BMAL2: variants seen among roughly 807,000 people sequenced by gnomAD.
BMAL2 encodes basic helix-loop-helix ARNT like 2.
the BMAL2 span, among the ~76,000 whole-genome samples, chr12:27,382,596 G>A: frequency 6.6e-6 from 1 of 152,174 alleles, no homozygotes; most frequent in Admixed American, 6.5e-5. Context: ...CATCCCCGCA[G>A]TCTGACCAGA....
the BMAL2 span, chr12:27,401,216 C>T: frequency 7.5e-6 from 11 of 1,468,266 alleles, no homozygotes; most frequent in East Asian, 2.0e-4. Context: ...GGAGGGAGTA[C>T]ACTCACCACT....
chr12:27,385,562 T>C, the BMAL2 span: 6 of 1,558,574 alleles, frequency 3.8e-6, no homozygotes, highest in Non-Finnish European at 5.3e-6. Context: ...ATCCTTAAGG[T>C]AACTAAAGAT....
the BMAL2 span, chr12:27,390,097 T>C: frequency 6.2e-7 from 1 of 1,613,634 alleles, no homozygotes; most frequent in Non-Finnish European, 8.5e-7. Flanking sequence ...GCACGAAAGC[T>C]GGTTTGCAAG....
the BMAL2 span, among the ~76,000 whole-genome samples, chr12:27,419,479 A>G: frequency 3.9e-5 from 6 of 152,214 alleles, no homozygotes; most frequent in Non-Finnish European, 8.8e-5. Context: ...ACCAACTCCC[A>G]TGATAATGAC....
the BMAL2 span, among the ~76,000 whole-genome samples, chr12:27,358,019 T>A: frequency 6.6e-6 from 1 of 151,692 alleles, no homozygotes; most frequent in East Asian, 1.9e-4. Flanking sequence ...AATAAATTTA[T>A]TTTTTATATT....
At chr12:27,414,668 C>A in the BMAL2 span, among the ~76,000 whole-genome samples, 6 of 152,002 alleles carry the variant, frequency 3.9e-5, no homozygotes, top group Non-Finnish European at 1.5e-5. Flanking sequence ...CTAAGAGGGA[C>A]GTTTATAGCA....
At chr12:27,387,154 A>ATG in the BMAL2 span, 993 of 881,524 alleles carry the variant, frequency 1.1e-3, 2 homozygotes, top group African/African-American at 1.8e-3. Context: ...CAGAATCTGA[A>ATG]TGTGTGTGTG....
chr12:27,385,759 T>C, the BMAL2 span, among the ~76,000 whole-genome samples: 2 of 152,194 alleles, frequency 1.3e-5, no homozygotes, highest in African/African-American at 4.8e-5. Flanking sequence ...AGACAGAGGA[T>C]AGGCACTTTC....
At chr12:27,422,640 A>G in the BMAL2 span, 3 of 152,290 alleles carry the variant, frequency 2.0e-5, no homozygotes, top group Non-Finnish European at 2.9e-5. Context: ...AAATCCTACA[A>G]GATGGGGAGA....
At chr12:27,371,883 AG>A in the BMAL2 span, among the ~76,000 whole-genome samples, 1 of 152,202 alleles carries the variant, frequency 6.6e-6, no homozygotes, top group African/African-American at 2.4e-5. Context: ...CATAAACAAT[AG>A]CATTCCCATT....
At chr12:27,420,359 CACCTTTACT>C in the BMAL2 span, 1 of 1,609,398 alleles carries the variant, frequency 6.2e-7, no homozygotes, top group Non-Finnish European at 8.5e-7. Flanking sequence ...CTTTACTGAT[CACCTTTACT>C]TACACAGGCC....
chr12:27,359,744 G>A, the BMAL2 span, among the ~76,000 whole-genome samples: 1 of 152,124 alleles, frequency 6.6e-6, no homozygotes, highest in Non-Finnish European at 1.5e-5. Flanking sequence ...TAAAGATAAA[G>A]AAGTCTGCTG....
At chr12:27,332,935 C>G in the BMAL2 span, 70 of 547,246 alleles carry the variant, frequency 1.3e-4, no homozygotes, top group African/African-American at 1.4e-3. Context: ...GCGGTGGCGG[C>G]CGCCGCGGCA....
At chr12:27,372,707 T>A in the BMAL2 span, among the ~76,000 whole-genome samples, 1 of 152,200 alleles carries the variant, frequency 6.6e-6, no homozygotes, top group African/African-American at 2.4e-5. Flanking sequence ...GGAGTCTCGC[T>A]GTGTCACCCA....
At chr12:27,404,228 G>A in the BMAL2 span, among the ~76,000 whole-genome samples, 2 of 124,722 alleles carry the variant, frequency 1.6e-5, no homozygotes, top group Non-Finnish European at 3.4e-5. Flanking sequence ...TTTTTTTTTT[G>A]GAATCCAACA....
At chr12:27,410,799 C>T in the BMAL2 span, among the ~76,000 whole-genome samples, 2 of 151,942 alleles carry the variant, frequency 1.3e-5, no homozygotes, top group Admixed American at 1.3e-4. Flanking sequence ...TTCCAGAACA[C>T]ATGTATGAAT....
the BMAL2 span, among the ~76,000 whole-genome samples, chr12:27,383,123 AG>A: frequency 5.6e-3 from 847 of 152,310 alleles, 11 homozygotes; most frequent in African/African-American, 0.019. Context: ...TGCGTCCTGA[AG>A]GCAGACCTTG....
At chr12:27,376,143 G>A in the BMAL2 span, among the ~76,000 whole-genome samples, 1 of 152,172 alleles carries the variant, frequency 6.6e-6, no homozygotes, top group Non-Finnish European at 1.5e-5. Context: ...GAATGGTGTT[G>A]CCTGTCAGCG....
At chr12:27,343,227 G>A in the BMAL2 span, among the ~76,000 whole-genome samples, 1 of 152,148 alleles carries the variant, frequency 6.6e-6, no homozygotes, top group African/African-American at 2.4e-5. Flanking sequence ...CATCTATACT[G>A]TATTTGTAAA....
Sources: gnomAD v4.1 joint callset for allele counts (sites outside exome capture counted in the v4.1 genomes callset) on GRCh38, gnomAD v4.1.1 for gene constraint, MANE v1.5 for transcripts, NCBI Gene and HGNC (gene_info 2026-07-23, HGNC 2026-07-21) for gene names.